TET3: variants seen among roughly 807,000 people sequenced by gnomAD.
TET3 encodes the protein methylcytosine dioxygenase TET3.
A neutral mutation model predicts 141.4 loss-of-function variants in TET3; 19 were observed. The observed-to-expected ratio is 0.13, with a 90% CI of 0.09 to 0.20. The LOEUF (loss-of-function observed/expected upper bound fraction) is 0.20. Among genes scored for constraint, TET3 ranks in the 10% least tolerant of loss-of-function variants. The probability of loss-of-function intolerance (pLI) is 1.00; values close to 1 mark genes in which losing one functional copy is unlikely to be tolerated. For synonymous variants in TET3, 1,043 were observed against 980.9 expected, an observed-to-expected ratio of 1.06 and a Z score of -1.18; for missense variants, 1,874 against 2,356.9, an observed-to-expected ratio of 0.80 and a Z score of 4.24.
At chr2:74,100,245 T>A (rs979117205) in intron 11 of TET3, 148 bp from the exon 12 acceptor site, 1 of 847,386 alleles carries the variant, frequency 1.2e-6, no homozygotes, top group South Asian at 1.7e-5. Flanking sequence ...CGTTCTGGGC[T>A]GGACATGCCT....
chr2:73,987,427 G>T (rs1684092382), intron 2 of TET3, among the ~76,000 whole-genome samples: 1 of 152,184 alleles, frequency 6.6e-6, no homozygotes, highest in South Asian at 2.1e-4. Context: ...AGGAGATTTG[G>T]GGTGAGAGCA....
At chr2:74,021,258 G>A (rs1256588090) in intron 3 of TET3, among the ~76,000 whole-genome samples, 4 of 152,200 alleles carry the variant, frequency 2.6e-5, no homozygotes, top group African/African-American at 7.2e-5. Context: ...CTTTCTCAGG[G>A]TGCTGAGCAG....
chr2:74,041,498 C>G (rs768395335), intron 3 of TET3, among the ~76,000 whole-genome samples: 1 of 152,090 alleles, frequency 6.6e-6, no homozygotes, highest in Non-Finnish European at 1.5e-5. Flanking sequence ...CAGGTCATAG[C>G]TGTGTGTGTC....
At chr2:74,056,463 G>A (rs1573806467) in intron 4 of TET3, among the ~76,000 whole-genome samples, 1 of 152,014 alleles carries the variant, frequency 6.6e-6, no homozygotes, top group African/African-American at 2.4e-5. Flanking sequence ...GCTGTATAAC[G>A]AGCACTTTCT....
At position 74,101,741 on chromosome 2, in the gene TET3, C is replaced by G. The variant is rs570795230; in HGVS notation, c.4953C>G (p.Ile1651Met). The G allele has an allele frequency of 6.2e-7, 1 of 1,613,188 alleles. No individual in the cohort carries two copies. Among genetic ancestry groups the G allele is most frequent in the Non-Finnish European group, 8.5e-7 (1 of 1,179,896 alleles). Residue 1651 changes from isoleucine (I) to methionine (M), a missense_variant, in exon 12 of 12, where the codon ATC becomes ATG. Physicochemically the swap from Ile to Met is conservative, Grantham distance 10. This residue lies in a region of TET3 where 41 missense variants were observed against 116.8 expected (regional missense o/e 0.35). Coordinates refer to ENST00000409262, the MANE Select transcript of TET3 (RefSeq NM_001287491.2). This position sits in a 1 kb window ranked among gnomAD's most constrained non-coding sequence, Gnocchi z 8.5. Reference protein sequence around the residue: ...DSEHNFLDENIGGVAVAPAHG... With the variant: ...DSEHNFLDENMGGVAVAPAHG... ...AACACAACTTCCTGGACGAGAACAT[C>G]GGCGGCGTGGCCGTGGCCCCAGCCC... is the stretch of plus-strand genomic sequence containing the variant.
rs748798755 is a variant in TET3, at chr2:74,093,700, G to A, written c.3267+34G>A. On this transcript the variant is annotated intron_variant, in intron 10 of 11. Transcript: ENST00000409262. This position sits in a 1 kb window ranked among gnomAD's most constrained non-coding sequence, Gnocchi z 4.2. The stretch of plus-strand genomic sequence containing the variant: ...GTGCCCTGTCATAGCCCCACCTGTG[G>A]GGCAACTGTGGGAGGGAGTCCACCG... 3.9e-6 allele frequency: 6 copies of A among 1,532,218 alleles called. No individual in the cohort carries two copies. Among genetic ancestry groups the A allele is most frequent in the Admixed American group, 1.8e-5 (1 of 54,136 alleles). The allele number at this position is 1,532,218 out of a possible 1,614,324, so 94.9% of individuals were successfully genotyped here. A position where few individuals can be genotyped will look rare whatever the true frequency, so the allele number is the denominator to read the frequency against.
At chr2:74,015,994 G>A (rs999054190) in intron 3 of TET3, among the ~76,000 whole-genome samples, 4 of 151,878 alleles carry the variant, frequency 2.6e-5, no homozygotes, top group Non-Finnish European at 5.9e-5. Context: ...ATTACTCTTA[G>A]ATTGTCTTTT....
At position 74,079,277 on chromosome 2, in the gene TET3, C is replaced by T. The variant is rs192319130; in HGVS notation, c.2586-1221C>T. On this transcript the variant is annotated intron_variant, in intron 5 of 11. Coordinates refer to ENST00000409262, the MANE Select transcript of TET3 (RefSeq NM_001287491.2). ...CAGAGAATTACTTGAACCCGGGAAG[C>T]GGAGGTTGCAATGAGCCGAGATTGC... Among the ~76,000 whole-genome samples the T allele has an allele frequency of 3.9e-3, 599 of 152,146 alleles. 6 individuals are homozygous for T. The highest frequency in any genetic ancestry group is 0.014 in the African/African-American group (561 of 41,514).
At chr2:74,120,237 C>G in the TET3 span, among the ~76,000 whole-genome samples, 1 of 152,114 alleles carries the variant, frequency 6.6e-6, no homozygotes, top group South Asian at 2.1e-4. Flanking sequence ...CCGGAGCGCT[C>G]CATTCTCCTT....
At chr2:74,094,812 A>AC (rs1158979048) in intron 10 of TET3, among the ~76,000 whole-genome samples, 3 of 152,172 alleles carry the variant, frequency 2.0e-5, no homozygotes, top group African/African-American at 7.2e-5. Context: ...GGTAACATGG[A>AC]CCGAGATGTA....
the TET3 span, among the ~76,000 whole-genome samples, chr2:74,116,689 TAA>T: frequency 0.042 from 5,523 of 133,012 alleles, 293 homozygotes; most frequent in African/African-American, 0.13. Context: ...CATCCCAAGT[TAA>T]AAAAAAAAAA....
chr2:74,019,581 G>A (rs1319644235), intron 3 of TET3, among the ~76,000 whole-genome samples: 1 of 152,184 alleles, frequency 6.6e-6, no homozygotes, highest in Non-Finnish European at 1.5e-5. Context: ...CCAGTACCTG[G>A]CACAAAGCCT....
chr2:74,046,356 C>T lies in TET3; in HGVS notation c.439C>T (p.Arg147Trp), dbSNP rs182958671. The T allele has an allele frequency of 9.2e-6, 14 of 1,529,074 alleles. No homozygotes were observed. The highest frequency in any genetic ancestry group is 4.2e-5 in the African/African-American group (3 of 71,968). The allele number at this position is 1,529,074 out of a possible 1,614,324, so 94.7% of individuals were successfully genotyped here. The change falls in exon 4 of 12, where the codon CGG (arginine) becomes TGG (tryptophan). Residue 147 changes from arginine (R) to tryptophan (W), a missense_variant. Arg to Trp is a moderately radical substitution (Grantham distance 101). This residue lies in a region of TET3 where 366 missense variants were observed against 487.0 expected (regional missense o/e 0.75). Coordinates refer to ENST00000409262, the MANE Select transcript of TET3 (RefSeq NM_001287491.2). The surrounding 1 kb of genome is among the most constrained non-coding windows in gnomAD (Gnocchi z 4.3). ...AGGGCCAGTGTACCATGGGGACTCA[C>T]GGCAGCTAAGCGCCTCAGGGGTGCC... ...DSGPVYHGDS[R>W]QLSASGVPVN...
At chr2:74,069,227 C>T (rs1181117526) in intron 4 of TET3, among the ~76,000 whole-genome samples, 3 of 151,290 alleles carry the variant, frequency 2.0e-5, no homozygotes, top group Non-Finnish European at 4.4e-5. Flanking sequence ...ACTTTTTTCC[C>T]GCAGTTGTCC....
Position 74,092,905 on chromosome 2 carries a change from G to T in TET3, c.3043G>T (p.Glu1015Ter). ...RLAGDNPKEE[E>*]VLRKSFQDLA... ...GTGACTGCCCCTCTCTCTGCAGGAAGAAGTGCTCCGGAAGAGTTTCCAGGA... is the reference window on the plus strand; with the variant it reads ...GTGACTGCCCCTCTCTCTGCAGGAATAAGTGCTCCGGAAGAGTTTCCAGGA... Residue 1015 changes from glutamate to a stop codon, truncating the protein, a stop_gained, in exon 9 of 12, where the codon GAA becomes TAA. Coordinates refer to ENST00000409262, the MANE Select transcript of TET3 (RefSeq NM_001287491.2). LOFTEE classifies it high-confidence loss of function. 6.3e-7 allele frequency: 1 copy of T among 1,586,814 alleles called. No homozygotes were observed. The highest frequency in any genetic ancestry group is 1.2e-5 in the South Asian group (1 of 86,706).
At chr2:74,022,374 G>T (rs1245250587) in intron 3 of TET3, among the ~76,000 whole-genome samples, 4 of 151,382 alleles carry the variant, frequency 2.6e-5, no homozygotes, top group Non-Finnish European at 4.4e-5. Context: ...TCATGCTTTG[G>T]CAAGTATTGC....
intron 3 of TET3, among the ~76,000 whole-genome samples, chr2:74,045,956 T>C (rs564134560): frequency 6.6e-5 from 10 of 152,346 alleles, no homozygotes; most frequent in African/African-American, 2.4e-4. Flanking sequence ...ATTAAGGACC[T>C]TTTTGTGTGT....
chr2:73,985,195 G>A (rs1683940611), intron 1 of TET3, 38 bp downstream of exon 1: 1 of 146,522 alleles, frequency 6.8e-6, no homozygotes, highest in African/African-American at 2.5e-5. Flanking sequence ...CCGGAGTGGG[G>A]GAGGGGCGGC....
At chr2:74,111,084 C>T (rs1462949014), downstream of TET3, among the ~76,000 whole-genome samples, 1 of 152,180 alleles carries the variant, frequency 6.6e-6, no homozygotes, top group East Asian at 1.9e-4. Flanking sequence ...CTCTGTGAAG[C>T]CCTGGAAACC....
Sources: allele counts gnomAD v4.1 joint callset (sites outside exome capture counted in the v4.1 genomes callset), GRCh38; gene constraint gnomAD v4.1.1; regional missense constraint gnomAD v4.1.1; non-coding constraint Gnocchi (gnomAD v3.1); transcripts MANE v1.5; gene names NCBI Gene and HGNC (gene_info 2026-07-23, HGNC 2026-07-21).